The following LDLRAP1 variants were observed in gnomAD, a reference collection of about 807,000 sequenced individuals.
The protein encoded by LDLRAP1 is low density lipoprotein receptor adaptor protein 1.
A neutral mutation model predicts 37.8 loss-of-function variants in LDLRAP1; 30 were observed. The observed-to-expected ratio is 0.79, with a 90% CI of 0.59 to 1.08. The LOEUF (loss-of-function observed/expected upper bound fraction) is 1.08. LDLRAP1 is among the 50% of genes least tolerant of loss of function. The probability of loss-of-function intolerance (pLI) is 0.00; values close to 1 mark genes in which losing one functional copy is unlikely to be tolerated. For missense variants in LDLRAP1, 375 were observed against 401.6 expected (o/e 0.93, Z 0.57); for synonymous variants, 156 against 169.8 (o/e 0.92, Z 0.63).
intron 4 of LDLRAP1, among the ~76,000 whole-genome samples, chr1:25,559,304 G>A (rs1489570239): frequency 6.6e-6 from 1 of 152,164 alleles, no homozygotes; most frequent in Non-Finnish European, 1.5e-5. Context: ...CGGTGCAGAG[G>A]CTTCCTCTGG....
chr1:25,576,093 A>G, the LDLRAP1 span, among the ~76,000 whole-genome samples: 1 of 151,622 alleles, frequency 6.6e-6, no homozygotes, highest in African/African-American at 2.4e-5. Context: ...TTAGCCGGGC[A>G]TGGTGGCATG....
chr1:25,557,283 T>A lies in LDLRAP1; in HGVS notation c.459+16T>A. 6.7e-6 allele frequency: 9 copies of A among 1,343,908 alleles called. No homozygotes were observed. The highest frequency in any genetic ancestry group is 9.6e-6 in the Non-Finnish European group (9 of 939,916). The allele number at this position is 1,343,908 out of a possible 1,614,324, so 83.2% of individuals were successfully genotyped here. On this transcript the variant is annotated intron_variant, in intron 4 of 8. Coordinates refer to ENST00000374338, the MANE Select transcript of LDLRAP1 (RefSeq NM_015627.3). ...GCGGAAGATGGTCAGCGGGGAGGGC[T>A]GGGGCGGGGACAGGGTCCAGTGGCC...
chr1:25,582,416 C>T, the LDLRAP1 span, among the ~76,000 whole-genome samples: 1 of 152,116 alleles, frequency 6.6e-6, no homozygotes. Flanking sequence ...GAAACCCCGT[C>T]TCTACTAAAA....
At chr1:25,549,445 C>T (rs1395023395) in intron 1 of LDLRAP1, among the ~76,000 whole-genome samples, 1 of 152,228 alleles carries the variant, frequency 6.6e-6, no homozygotes, top group Non-Finnish European at 1.5e-5. Flanking sequence ...CAAGGGCATT[C>T]AGCCCAGCTC....
In LDLRAP1 at chr1:25,544,548, G is replaced by A. The variant is rs1036017589; in HGVS notation, c.88+762G>A. On this transcript the variant is annotated intron_variant, in intron 1 of 8. Coordinates refer to ENST00000374338, the MANE Select transcript of LDLRAP1 (RefSeq NM_015627.3). The surrounding 1 kb of genome is among the most constrained non-coding windows in gnomAD (Gnocchi z 4.8). The stretch of plus-strand genomic sequence containing the variant: ...GGGTGCCCAGGCAAACGACAGACTC[G>A]CCGCCACCTCTCCCTGGGGCGTCTG... 1.3e-5 allele frequency among the ~76,000 whole-genome samples: 2 copies of A among 152,128 alleles called. No individual in the cohort carries two copies. Among genetic ancestry groups the A allele is most frequent in the Non-Finnish European group, 2.9e-5 (2 of 68,026 alleles).
At chr1:25,572,966 G>A (rs181509621), downstream of LDLRAP1, among the ~76,000 whole-genome samples, 61 of 152,320 alleles carry the variant, frequency 4.0e-4, no homozygotes, top group African/African-American at 1.4e-3. Flanking sequence ...GGCCACAGCC[G>A]TCAGGACTGG....
the LDLRAP1 span, among the ~76,000 whole-genome samples, chr1:25,583,264 A>G: frequency 7.1e-6 from 1 of 141,516 alleles, no homozygotes; most frequent in African/African-American, 2.7e-5. Context: ...ATCTCAGCTC[A>G]CTGTAACCTC....
At chr1:25,565,599 G>A (rs903388190) in intron 8 of LDLRAP1, among the ~76,000 whole-genome samples, 1 of 152,160 alleles carries the variant, frequency 6.6e-6, no homozygotes, top group African/African-American at 2.4e-5. Context: ...TTATGAACAG[G>A]GGAAGGGAGA....
the LDLRAP1 span, among the ~76,000 whole-genome samples, chr1:25,574,625 C>G: frequency 6.6e-6 from 1 of 152,090 alleles, no homozygotes; most frequent in African/African-American, 2.4e-5. Context: ...ATTGGTGTAT[C>G]CCCGTGTGAT....
the LDLRAP1 span, among the ~76,000 whole-genome samples, chr1:25,574,996 G>C: frequency 6.6e-6 from 1 of 152,308 alleles, no homozygotes; most frequent in East Asian, 1.9e-4. Flanking sequence ...GGACTGGCCT[G>C]TGCTTCTTGG....
chr1:25,569,370 T>G (rs1438514720), downstream of LDLRAP1, among the ~76,000 whole-genome samples: 1 of 152,176 alleles, frequency 6.6e-6, no homozygotes, highest in Non-Finnish European at 1.5e-5. Context: ...GTGGCCCAGA[T>G]GAACTCAGGA....
At chr1:25,587,147 T>TTATTG in the LDLRAP1 span, among the ~76,000 whole-genome samples, 2 of 151,784 alleles carry the variant, frequency 1.3e-5, no homozygotes, top group Non-Finnish European at 2.9e-5. Flanking sequence ...TCTATTTTGT[T>TTATTG]TATTTTATTT....
chr1:25,552,567 A>G (rs2044096046), intron 1 of LDLRAP1, among the ~76,000 whole-genome samples: 1 of 152,186 alleles, frequency 6.6e-6, no homozygotes, highest in Admixed American at 6.5e-5. Flanking sequence ...CACCTCCTAC[A>G]AGCACAGCAT....
intron 8 of LDLRAP1, 78 bp from the exon 9 acceptor site, chr1:25,566,770 C>A: frequency 6.5e-7 from 1 of 1,540,138 alleles, no homozygotes; most frequent in Non-Finnish European, 8.8e-7. Context: ...CTGTTCCCCA[C>A]TGGTGCCCCC....
At chr1:25,584,166 G>A in the LDLRAP1 span, among the ~76,000 whole-genome samples, 5 of 151,916 alleles carry the variant, frequency 3.3e-5, no homozygotes, top group African/African-American at 1.2e-4. Context: ...GCTCTTTGGA[G>A]GTCCCGTGGG....
chr1:25,564,711 T>C, intron 7 of LDLRAP1: 1 of 183,136 alleles, frequency 5.5e-6, no homozygotes, highest in Non-Finnish European at 1.2e-5. Flanking sequence ...CTGGCATCAG[T>C]TATCCCTCAT....
Position 25,554,784 on chromosome 1 carries a change from A to G in LDLRAP1, c.232-76A>G, listed in dbSNP as rs1352114773. The G allele has an allele frequency of 1.7e-6, 2 of 1,189,364 alleles. No individual in the cohort carries two copies. Among genetic ancestry groups the G allele is most frequent in the East Asian group, 4.8e-5 (2 of 41,324 alleles). 73.7% of individuals were successfully genotyped at this position (1,189,364 alleles called of 1,614,324 possible). ...ATGGGCCCCGTGCCTGGGGCTTAGG[A>G]ACAGTGAAGTGTAAGCCATGAGGGT... On this transcript the variant is annotated intron_variant, in intron 2 of 8. Transcript: ENST00000374338. The surrounding 1 kb of genome is among the most constrained non-coding windows in gnomAD (Gnocchi z 5.4).
At chr1:25,565,787 G>C (rs902896038) in intron 8 of LDLRAP1, among the ~76,000 whole-genome samples, 1 of 152,180 alleles carries the variant, frequency 6.6e-6, no homozygotes, top group Non-Finnish European at 1.5e-5. Context: ...GGCCTGGGCA[G>C]GTCAGGGTTC....
chr1:25,572,432 C>T (rs1456392776), downstream of LDLRAP1, among the ~76,000 whole-genome samples: 2 of 152,172 alleles, frequency 1.3e-5, no homozygotes, highest in African/African-American at 2.4e-5. Context: ...GATGGCATGG[C>T]ATGCCCAGCC....
Sources: gnomAD v4.1 joint callset for allele counts (sites outside exome capture counted in the v4.1 genomes callset) on GRCh38, gnomAD v4.1.1 for gene constraint, Gnocchi (gnomAD v3.1) non-coding constraint, MANE v1.5 for transcripts, NCBI Gene and HGNC (gene_info 2026-07-23, HGNC 2026-07-21) for gene names.